Variants in KCNN2 observed in about 807,000 individuals in gnomAD.
The protein encoded by KCNN2 is small conductance calcium-activated potassium channel protein 2.
A neutral mutation model predicts 55.5 loss-of-function variants in KCNN2; 24 were observed. The ratio of observed to expected loss-of-function variants is 0.43; its 90% CI spans 0.31 to 0.61. The LOEUF (loss-of-function observed/expected upper bound fraction) is 0.61, where lower values mean the gene tolerates loss of function less well. KCNN2 is among the 20% of genes least tolerant of loss of function. The pLI, the probability that KCNN2 is intolerant of heterozygous loss-of-function variation, is 0.08. For missense variants in KCNN2, 754 were observed against 853.6 expected, an observed-to-expected ratio of 0.88 and a Z score of 1.45; for synonymous variants, 431 against 336.1, an observed-to-expected ratio of 1.28 and a Z score of -3.09.
chr5:114,166,601 C>T (rs781710678), intron 1 of KCNN2, among the ~76,000 whole-genome samples: 1 of 152,088 alleles, frequency 6.6e-6, no homozygotes, highest in Non-Finnish European at 1.5e-5. Context: ...AAAGGTGGTA[C>T]GGTTTTCACC....
At chr5:114,139,034 T>A (rs764368488) in intron 1 of KCNN2, among the ~76,000 whole-genome samples, 3 of 152,168 alleles carry the variant, frequency 2.0e-5, no homozygotes, top group Non-Finnish European at 4.4e-5. Context: ...CCCCAATATC[T>A]ATTTTATATG....
At chr5:114,159,263 T>A (rs1008023916) in intron 1 of KCNN2, among the ~76,000 whole-genome samples, 1 of 152,220 alleles carries the variant, frequency 6.6e-6, no homozygotes, top group Non-Finnish European at 1.5e-5. Context: ...GAGATAATCA[T>A]GTGGTTTTTA....
chr5:114,217,273 T>A (rs1011729043), intron 1 of KCNN2, among the ~76,000 whole-genome samples: 1 of 151,918 alleles, frequency 6.6e-6, no homozygotes, highest in South Asian at 2.1e-4. Context: ...TATGAAAGAA[T>A]CAAAAGACCC....
chr5:114,401,503 T>C (rs1758786011), intron 2 of KCNN2, among the ~76,000 whole-genome samples: 1 of 152,202 alleles, frequency 6.6e-6, no homozygotes, highest in South Asian at 2.1e-4. Flanking sequence ...GCATTTCTTA[T>C]CCTCCACTAG....
At chr5:114,207,464 A>G (rs1396155077) in intron 1 of KCNN2, among the ~76,000 whole-genome samples, 1 of 152,218 alleles carries the variant, frequency 6.6e-6, no homozygotes, top group Non-Finnish European at 1.5e-5. Context: ...CTAACTTTTA[A>G]TACCCATACC....
chr5:114,303,872 G>A (rs1367888657), intron 2 of KCNN2, among the ~76,000 whole-genome samples: 1 of 152,136 alleles, frequency 6.6e-6, no homozygotes, highest in African/African-American at 2.4e-5. Flanking sequence ...CAGAAGGAAG[G>A]ATGATATATT....
chr5:114,327,646 A>G (rs1756737699), intron 2 of KCNN2, among the ~76,000 whole-genome samples: 1 of 152,196 alleles, frequency 6.6e-6, no homozygotes, highest in Non-Finnish European at 1.5e-5. Flanking sequence ...GAAAGGAGTA[A>G]TTTTCTGATA....
chr5:114,162,383 C>G (rs1219444785), intron 1 of KCNN2, among the ~76,000 whole-genome samples: 1 of 152,082 alleles, frequency 6.6e-6, no homozygotes, highest in Non-Finnish European at 1.5e-5. Context: ...AGAGGAGTAC[C>G]CGGCCGTTTG....
At chr5:114,202,682 G>C (rs1405205983) in intron 1 of KCNN2, among the ~76,000 whole-genome samples, 1 of 149,148 alleles carries the variant, frequency 6.7e-6, no homozygotes, top group Non-Finnish European at 1.5e-5. Flanking sequence ...CTCCTCCCGG[G>C]TTCACGCCAT....
intron 1 of KCNN2, among the ~76,000 whole-genome samples, chr5:114,198,573 G>A (rs543138525): frequency 2.2e-4 from 33 of 151,894 alleles, no homozygotes; most frequent in African/African-American, 7.5e-4. Flanking sequence ...ACACATACGT[G>A]TATAGGTATC....
intron 6 of KCNN2, among the ~76,000 whole-genome samples, chr5:114,487,749 T>A (rs1451778752): frequency 6.6e-6 from 1 of 152,200 alleles, no homozygotes; most frequent in East Asian, 1.9e-4. Context: ...AATCTATATC[T>A]AGTAAGATGC....
chr5:114,144,393 G>T (rs1463790304), intron 1 of KCNN2, among the ~76,000 whole-genome samples: 1 of 152,114 alleles, frequency 6.6e-6, no homozygotes, highest in African/African-American at 2.4e-5. Flanking sequence ...TGGGCAGTTT[G>T]AATTGATTGA....
At chr5:114,471,427 A>T (rs1270961088) in intron 4 of KCNN2, among the ~76,000 whole-genome samples, 1 of 152,240 alleles carries the variant, frequency 6.6e-6, no homozygotes, top group Non-Finnish European at 1.5e-5. Flanking sequence ...AATGTTCAGT[A>T]CAGGTGCAGC....
At chr5:114,348,281 G>C (rs1034957968) in intron 2 of KCNN2, among the ~76,000 whole-genome samples, 1 of 140,060 alleles carries the variant, frequency 7.1e-6, no homozygotes, top group Non-Finnish European at 1.5e-5. Flanking sequence ...CATTACGAGG[G>C]GGAGGGGGGA....
At chr5:114,441,554 C>T (rs778477206) in intron 3 of KCNN2, among the ~76,000 whole-genome samples, 3 of 152,198 alleles carry the variant, frequency 2.0e-5, no homozygotes, top group Non-Finnish European at 4.4e-5. Context: ...TACTGTTAGT[C>T]TTCCCTCCTC....
At position 114,268,388 on chromosome 5, in the gene KCNN2, A is replaced by T. The variant is rs112389567; in HGVS notation, c.-185+46823A>T. 6.0e-3 allele frequency among the ~76,000 whole-genome samples: 912 copies of T among 152,386 alleles called. 8 individuals are homozygous for T. Among genetic ancestry groups the T allele is most frequent in the African/African-American group, 0.021 (863 of 41,598 alleles). On this transcript the variant is annotated intron_variant, in intron 2 of 10. Coordinates refer to the KCNN2 transcript ENST00000512097. Reference sequence around the variant, plus strand: ...TTATCAAATGTTTTATATAAAATTTAAAAAACACAGCTTGCAAAGCTGCAA... The same window carrying T: ...TTATCAAATGTTTTATATAAAATTTTAAAAACACAGCTTGCAAAGCTGCAA...
chr5:114,485,483 G>GAC (rs1418999523), intron 5 of KCNN2, among the ~76,000 whole-genome samples: 3 of 152,122 alleles, frequency 2.0e-5, no homozygotes, highest in African/African-American at 7.2e-5. Context: ...CCTTTGAAAG[G>GAC]ACATGAGGAT....
chr5:114,161,189 G>A (rs1219313887), intron 1 of KCNN2, among the ~76,000 whole-genome samples: 5 of 152,094 alleles, frequency 3.3e-5, no homozygotes, highest in Admixed American at 2.0e-4. Context: ...AGCTCTTTTA[G>A]GGCAGGCCTG....
intron 1 of KCNN2, among the ~76,000 whole-genome samples, chr5:114,174,413 A>G (rs1453512557): frequency 6.6e-6 from 1 of 152,124 alleles, no homozygotes; most frequent in African/African-American, 2.4e-5. Flanking sequence ...ATTAGTCTAG[A>G]CAAGAGCATT....
Sources: allele counts gnomAD v4.1 joint callset (sites outside exome capture counted in the v4.1 genomes callset), GRCh38; gene constraint gnomAD v4.1.1; transcripts MANE v1.5; gene names NCBI Gene and HGNC (gene_info 2026-07-23, HGNC 2026-07-21).